Variants in PLS1 observed in about 807,000 individuals in gnomAD.
PLS1 encodes plastin-1.
In PLS1, 32 loss-of-function variants were observed where a neutral mutation model predicts 73.7. That is an observed-to-expected ratio of 0.43 (90% CI 0.33 to 0.58). The LOEUF is 0.58. Ranked by LOEUF, PLS1 falls within the 20% of genes least tolerant of loss-of-function variation. The probability of loss-of-function intolerance (pLI) is 0.04; values close to 1 mark genes in which losing one functional copy is unlikely to be tolerated. For synonymous variants in PLS1, 217 were observed against 261.3 expected, an observed-to-expected ratio of 0.83 and a Z score of 1.63; for missense variants, 633 against 740.5, an observed-to-expected ratio of 0.85 and a Z score of 1.68.
At position 142,684,330 on chromosome 3, in the gene PLS1, T is replaced by C; in HGVS notation, c.823T>C (p.Trp275Arg). 6.2e-7 allele frequency: 1 copy of C among 1,613,928 alleles called. No individual in the cohort carries two copies. Among genetic ancestry groups the C allele is most frequent in the Non-Finnish European group, 8.5e-7 (1 of 1,179,788 alleles). Reference protein sequence around the residue: ...KLSPEELLLRWVNYHLTNAGW... With the variant: ...KLSPEELLLRRVNYHLTNAGW... The stretch of plus-strand genomic sequence containing the variant: ...TTCTCCCGAGGAATTACTGCTGCGA[T>C]GGGTGAACTACCATCTGACCAATGC... The change falls in exon 8 of 16, where the codon TGG becomes CGG. Residue 275 changes from tryptophan to arginine, a missense_variant. By Grantham distance (101) the Trp-to-Arg change is moderately radical. Transcript: ENST00000457734.
intron 4 of PLS1, among the ~76,000 whole-genome samples, chr3:142,674,464 A>C (rs537967252): frequency 6.6e-6 from 1 of 152,210 alleles, no homozygotes; most frequent in Admixed American, 6.5e-5. Flanking sequence ...GAGAAGGCCA[A>C]ATCATTATGT....
intron 9 of PLS1, among the ~76,000 whole-genome samples, chr3:142,688,578 G>A (rs2038021736): frequency 1.3e-5 from 2 of 152,140 alleles, no homozygotes; most frequent in Admixed American, 1.3e-4. Context: ...CCACAGTCTT[G>A]AATCTTGTGT....
chr3:142,700,262 G>A (rs928101208), intron 12 of PLS1, among the ~76,000 whole-genome samples: 4 of 151,910 alleles, frequency 2.6e-5, no homozygotes, highest in African/African-American at 9.7e-5. Context: ...CGCTTACAAA[G>A]TTCTTAAAGC....
At chr3:142,645,843 A>T (rs552388935) in intron 1 of PLS1, among the ~76,000 whole-genome samples, 1 of 152,322 alleles carries the variant, frequency 6.6e-6, no homozygotes, top group South Asian at 2.1e-4. Flanking sequence ...AAATCTTTTA[A>T]TCCATTCCCT....
chr3:142,694,471 G>A lies in PLS1; in HGVS notation c.1180G>A (p.Glu394Lys), dbSNP rs2038152128. 3 of 1,596,086 alleles carry A rather than the reference G, an allele frequency of 1.9e-6. No individual in the cohort carries two copies. The highest frequency in any genetic ancestry group is 1.7e-6 in the Non-Finnish European group (2 of 1,163,994). The part of the protein sequence containing the change: ...NDIDMNLLEG[E>K]SKEERTFRNW... ...GTGTGAGCTTGTGTCTACTCTAGGAGAGAGCAAGGAAGAGAGAACATTTCG... is the reference window on the plus strand; with the variant it reads ...GTGTGAGCTTGTGTCTACTCTAGGAAAGAGCAAGGAAGAGAGAACATTTCG... The change falls in exon 11 of 16, where the codon GAG becomes AAG. Residue 394 changes from glutamate to lysine, a missense_variant and splice_region_variant. Physicochemically the swap from Glu to Lys is moderately conservative, Grantham distance 56. Coordinates refer to ENST00000457734, the MANE Select transcript of PLS1 (RefSeq NM_001145319.2).
At chr3:142,622,331 A>G (rs1218839503) in intron 1 of PLS1, among the ~76,000 whole-genome samples, 1 of 152,204 alleles carries the variant, frequency 6.6e-6, no homozygotes, top group Non-Finnish European at 1.5e-5. Context: ...AGGTATATAC[A>G]TCCACAAAAT....
chr3:142,645,392 A>G (rs909106982), intron 1 of PLS1: 1 of 152,204 alleles, frequency 6.6e-6, no homozygotes, highest in African/African-American at 2.4e-5. Flanking sequence ...AGAGTGAAAA[A>G]CTTCAAGTTT....
intron 1 of PLS1, among the ~76,000 whole-genome samples, chr3:142,622,434 A>G (rs2036334695): frequency 6.6e-6 from 1 of 151,948 alleles, no homozygotes; most frequent in African/African-American, 2.4e-5. Flanking sequence ...GTTCCAAGCA[A>G]CCTTTGTTCT....
intron 14 of PLS1, among the ~76,000 whole-genome samples, chr3:142,708,166 T>C (rs1417473666): frequency 6.6e-6 from 1 of 152,174 alleles, no homozygotes; most frequent in East Asian, 1.9e-4. Flanking sequence ...GCATCATATG[T>C]GGCAGGACAG....
At chr3:142,610,855 A>C (rs2036109018) in intron 1 of PLS1, among the ~76,000 whole-genome samples, 1 of 152,222 alleles carries the variant, frequency 6.6e-6, no homozygotes, top group South Asian at 2.1e-4. Flanking sequence ...ATTCATCAAA[A>C]AGCTGAACAC....
At chr3:142,629,468 TGGGTTTAC>T (rs767589246) in intron 1 of PLS1, among the ~76,000 whole-genome samples, 1 of 152,238 alleles carries the variant, frequency 6.6e-6, no homozygotes, top group East Asian at 1.9e-4. Context: ...CCCAAAGTGC[TGGGTTTAC>T]AGGCGTGAGC....
chr3:142,697,253 AC>A (rs1318291273), intron 11 of PLS1, among the ~76,000 whole-genome samples: 1 of 152,072 alleles, frequency 6.6e-6, no homozygotes, highest in Non-Finnish European at 1.5e-5. Context: ...CTTCCTCTTA[AC>A]CCTCATTCCC....
chr3:142,638,015 G>A (rs915429822), intron 1 of PLS1, among the ~76,000 whole-genome samples: 1 of 152,174 alleles, frequency 6.6e-6, no homozygotes, highest in Non-Finnish European at 1.5e-5. Flanking sequence ...CAATCCGTGT[G>A]TGAGATGTGA....
chr3:142,630,209 G>T (rs2036524282), intron 1 of PLS1, among the ~76,000 whole-genome samples: 1 of 148,932 alleles, frequency 6.7e-6, no homozygotes, highest in South Asian at 2.1e-4. Context: ...ATCACTTGAG[G>T]CCAGGATTTT....
intron 10 of PLS1, among the ~76,000 whole-genome samples, chr3:142,693,649 A>G (rs777605200): frequency 2.0e-5 from 3 of 152,200 alleles, no homozygotes; most frequent in Non-Finnish European, 4.4e-5. Flanking sequence ...ACAGTGGCAG[A>G]GCCAGCCCAC....
intron 2 of PLS1, among the ~76,000 whole-genome samples, chr3:142,667,576 A>G (rs903099374): frequency 2.2e-4 from 34 of 152,200 alleles, no homozygotes; most frequent in African/African-American, 8.0e-4. Context: ...TGTGCATTAG[A>G]TGGTTTCTAT....
chr3:142,664,676 T>C (rs1046261372), intron 2 of PLS1, among the ~76,000 whole-genome samples: 9 of 152,226 alleles, frequency 5.9e-5, no homozygotes, highest in African/African-American at 2.2e-4. Context: ...AATAACACTT[T>C]CTGACTTCAT....
At chr3:142,598,928 G>A (rs111544732) in intron 1 of PLS1, among the ~76,000 whole-genome samples, 3,996 of 152,012 alleles carry the variant, frequency 0.026, 190 homozygotes, top group African/African-American at 0.092. Flanking sequence ...ATGAACCCGG[G>A]AGGCGGAGCT....
intron 1 of PLS1, chr3:142,663,976 C>A: frequency 4.1e-6 from 1 of 243,966 alleles, no homozygotes; most frequent in Non-Finnish European, 7.9e-6. Flanking sequence ...TGTGTAAAAG[C>A]ACAAGGTGAG....
Sources: allele counts gnomAD v4.1 joint callset (sites outside exome capture counted in the v4.1 genomes callset), GRCh38; gene constraint gnomAD v4.1.1; transcripts MANE v1.5; gene names NCBI Gene and HGNC (gene_info 2026-07-23, HGNC 2026-07-21).